CNOT2: variants seen among roughly 807,000 people sequenced by gnomAD.
CNOT2 encodes CC chemokine receptor 4-negative regulator of transcription 2.
In CNOT2, 7 loss-of-function variants were observed where a neutral mutation model predicts 72.1. That is an observed-to-expected ratio of 0.10 (90% CI 0.06 to 0.18). The LOEUF is 0.18. Among genes scored for constraint, CNOT2 ranks in the 10% least tolerant of loss-of-function variants. CNOT2 has a pLI of 1.00. For synonymous variants in CNOT2, 196 were observed against 225.6 expected (o/e 0.87, Z 1.17); for missense variants, 345 against 660.3 (o/e 0.52, Z 5.23).
intron 2 of CNOT2, among the ~76,000 whole-genome samples, chr12:70,280,198 T>C (rs1436393894): frequency 3.9e-5 from 6 of 152,136 alleles, no homozygotes; most frequent in African/African-American, 1.4e-4. Context: ...ATACATGTGC[T>C]TTTCAGAGTA....
chr12:70,302,035 G>T (rs1874101563), intron 2 of CNOT2, among the ~76,000 whole-genome samples: 1 of 151,962 alleles, frequency 6.6e-6, no homozygotes, highest in South Asian at 2.1e-4. Context: ...CTCTGATGGT[G>T]GTATGTATTT....
rs879388629 is a variant in CNOT2, at chr12:70,319,470, T to C, written c.238+106T>C. ...TCCTTTGTGGGTTTATTGTATGACT[T>C]AAAAGGAAAAATGTTTAATTTTCAG... On this transcript the variant is annotated intron_variant, in intron 4 of 15. Transcript: ENST00000229195. The C allele has an allele frequency of 1.5e-5, 16 of 1,063,844 alleles. No individual in the cohort carries two copies. In the South Asian group the frequency reaches 1.8e-4, roughly 12 times the overall value. The allele number at this position is 1,063,844 out of a possible 1,614,324, so 65.9% of individuals were successfully genotyped here.
intron 1 of CNOT2, among the ~76,000 whole-genome samples, chr12:70,245,472 G>A (rs1957837793): frequency 6.6e-6 from 1 of 152,102 alleles, no homozygotes; most frequent in Admixed American, 6.5e-5. Context: ...ATAAGTTAAT[G>A]TAAACATTTG....
intron 13 of CNOT2, among the ~76,000 whole-genome samples, chr12:70,343,681 CT>C (rs1881793370): frequency 6.6e-6 from 1 of 152,130 alleles, no homozygotes; most frequent in African/African-American, 2.4e-5. Flanking sequence ...CTTAGTAACC[CT>C]CATAGGTGTC....
At chr12:70,253,918 TACAATAAGAG>T (rs931499744) in intron 1 of CNOT2, among the ~76,000 whole-genome samples, 7 of 151,990 alleles carry the variant, frequency 4.6e-5, no homozygotes, top group African/African-American at 1.7e-4. Flanking sequence ...GCACATTAGG[TACAATAAGAG>T]ATGAGCAACA....
At chr12:70,316,568 C>G (rs17226164) in intron 3 of CNOT2, among the ~76,000 whole-genome samples, 10,407 of 152,178 alleles carry the variant, frequency 0.068, 519 homozygotes, top group Admixed American at 0.15. Flanking sequence ...TATAGCTGAT[C>G]GATGCTTATT....
At chr12:70,245,416 C>G (rs756705463) in intron 1 of CNOT2, among the ~76,000 whole-genome samples, 59 of 152,226 alleles carry the variant, frequency 3.9e-4, no homozygotes, top group Non-Finnish European at 7.6e-4. Context: ...AAGTGAGAAA[C>G]TGCTGAAGTT....
intron 2 of CNOT2, among the ~76,000 whole-genome samples, chr12:70,294,578 G>A (rs1872526467): frequency 6.6e-6 from 1 of 151,958 alleles, no homozygotes; most frequent in Non-Finnish European, 1.5e-5. Flanking sequence ...TCTCCACAGT[G>A]TATATAGCAG....
intron 1 of CNOT2, among the ~76,000 whole-genome samples, chr12:70,266,018 T>A (rs952458080): frequency 4.1e-4 from 61 of 148,434 alleles, no homozygotes; most frequent in Admixed American, 2.5e-3. Context: ...TTTTTTTTTT[T>A]AAAAGAACTA....
chr12:70,257,993 A>G (rs188871345), intron 1 of CNOT2, among the ~76,000 whole-genome samples: 2 of 152,352 alleles, frequency 1.3e-5, no homozygotes, highest in African/African-American at 4.8e-5. Flanking sequence ...TGTGTTAACA[A>G]AAAGTTCTAA....
chr12:70,329,480 G>T lies in CNOT2; in HGVS notation c.296G>T (p.Ser99Ile). Residue 99 changes from serine (S) to isoleucine (I), a missense_variant, in exon 5 of 16, where the codon AGC (serine) becomes ATC (isoleucine). Around this residue, in one of 4 missense-constraint regions of CNOT2, gnomAD observed 157 missense variants for 235.3 expected, o/e 0.67. Transcript: ENST00000229195. ...AACAATACCCCTCAGTTAAATCGCA[G>T]CTTATCACAAGGCACTCAGTTACCG... Reference protein sequence around the residue: ...MSNNTPQLNRSLSQGTQLPSH... With the variant: ...MSNNTPQLNRILSQGTQLPSH... The T allele has an allele frequency of 6.2e-7, 1 of 1,611,932 alleles. No homozygotes were observed. The highest frequency in any genetic ancestry group is 8.5e-7 in the Non-Finnish European group (1 of 1,178,594).
chr12:70,321,457 A>G (rs1272367593), intron 4 of CNOT2: 2 of 151,900 alleles, frequency 1.3e-5, no homozygotes, highest in Non-Finnish European at 2.9e-5. Context: ...TAAGGTTTTA[A>G]TAATTTAAGT....
At chr12:70,280,143 T>A (rs1181062355) in intron 2 of CNOT2, among the ~76,000 whole-genome samples, 3 of 152,206 alleles carry the variant, frequency 2.0e-5, no homozygotes, top group Non-Finnish European at 2.9e-5. Context: ...AATTTTTATA[T>A]TCTTAATATA....
At chr12:70,289,875 C>T (rs1416689311) in intron 2 of CNOT2, among the ~76,000 whole-genome samples, 1 of 151,826 alleles carries the variant, frequency 6.6e-6, no homozygotes, top group African/African-American at 2.4e-5. Flanking sequence ...GGCTTCTTTG[C>T]ATGGCTGGTG....
At chr12:70,275,266 T>A (rs981497231) in intron 1 of CNOT2, among the ~76,000 whole-genome samples, 2 of 152,118 alleles carry the variant, frequency 1.3e-5, no homozygotes, top group African/African-American at 4.8e-5. Flanking sequence ...TGTATTTTTT[T>A]CCCCTGCTTT....
intron 2 of CNOT2, among the ~76,000 whole-genome samples, chr12:70,303,173 T>A (rs1874434667): frequency 6.6e-6 from 1 of 152,240 alleles, no homozygotes; most frequent in South Asian, 2.1e-4. Context: ...TTTATCCAAT[T>A]TGCCAGTCTG....
At position 70,338,114 on chromosome 12, in the gene CNOT2, A is replaced by G. The variant is rs181051538; in HGVS notation, c.901-329A>G. On this transcript the variant is annotated intron_variant, in intron 9 of 15. Transcript: ENST00000229195. ...TTTAGTTTCTCTTTTACATGAAAGC[A>G]TTGAGGAGTGTAACTTCAAGTGTAT... The G allele has an allele frequency of 9.9e-4, 225 of 226,170 alleles. 3 individuals carry two copies. Among genetic ancestry groups the G allele is most frequent in the Middle Eastern group, 9.3e-3 (5 of 536 alleles). The allele number at this position is 226,170 out of a possible 1,614,324, so 14.0% of individuals were successfully genotyped here.
At chr12:70,274,227 T>A (rs1267019083) in intron 1 of CNOT2, among the ~76,000 whole-genome samples, 1 of 152,090 alleles carries the variant, frequency 6.6e-6, no homozygotes. Flanking sequence ...AATTAGTTCA[T>A]AAGGGCAAGG....
At chr12:70,302,890 T>A (rs527342759) in intron 2 of CNOT2, among the ~76,000 whole-genome samples, 41 of 151,424 alleles carry the variant, frequency 2.7e-4, no homozygotes, top group African/African-American at 9.2e-4. Flanking sequence ...CTTTATGAAT[T>A]TGGGTGCTCC....
Sources: gnomAD v4.1 joint callset for allele counts (sites outside exome capture counted in the v4.1 genomes callset) on GRCh38, gnomAD v4.1.1 for gene constraint, gnomAD v4.1.1 regional missense constraint, MANE v1.5 for transcripts, NCBI Gene and HGNC (gene_info 2026-07-23, HGNC 2026-07-21) for gene names.